Variants in MARCHF1 observed in about 807,000 individuals in gnomAD.
MARCHF1 encodes E3 ubiquitin-protein ligase MARCHF1.
MARCHF1 carries 40 observed loss-of-function variants against 54.2 expected under a neutral mutation model. The ratio of observed to expected loss-of-function variants is 0.74; its 90% CI spans 0.57 to 0.96. The LOEUF is 0.96. Ranked by LOEUF, MARCHF1 falls within the 40% of genes least tolerant of loss-of-function variation. MARCHF1 has a pLI of 0.00. For synonymous variants in MARCHF1, 236 were observed against 236.3 expected (o/e 1.00, Z 0.01); for missense variants, 586 against 656.5 (o/e 0.89, Z 1.17).
At chr4:164,195,993 T>A (rs1443247036) in intron 1 of MARCHF1, among the ~76,000 whole-genome samples, 1 of 152,164 alleles carries the variant, frequency 6.6e-6, no homozygotes, top group East Asian at 1.9e-4. Context: ...TAAATATAGT[T>A]GAAATGCTGC....
chr4:163,689,571 T>G (rs946512569), intron 5 of MARCHF1, among the ~76,000 whole-genome samples: 1 of 152,224 alleles, frequency 6.6e-6, no homozygotes, highest in African/African-American at 2.4e-5. Flanking sequence ...AATAGTCACC[T>G]ATGGCTAATG....
intron 1 of MARCHF1, among the ~76,000 whole-genome samples, chr4:164,325,356 T>TATATATATATA (rs1561003093): frequency 3.3e-5 from 5 of 149,388 alleles, no homozygotes; most frequent in African/African-American, 4.9e-5. Flanking sequence ...TATATATATA[T>TATATATATATA]TTGCACAGAC....
chr4:163,609,305 C>T (rs2110917002), intron 7 of MARCHF1, among the ~76,000 whole-genome samples: 1 of 152,182 alleles, frequency 6.6e-6, no homozygotes, highest in East Asian at 1.9e-4. Flanking sequence ...TTGCCTCTGT[C>T]TTCTGCCTCT....
intron 2 of MARCHF1, among the ~76,000 whole-genome samples, chr4:164,098,711 C>T (rs1755469216): frequency 6.6e-6 from 1 of 152,154 alleles, no homozygotes; most frequent in Admixed American, 6.5e-5. Context: ...GAGAGATGTG[C>T]TCAGATCAAG....
chr4:163,737,661 C>T (rs1344523836), intron 4 of MARCHF1, among the ~76,000 whole-genome samples: 1 of 126,128 alleles, frequency 7.9e-6, no homozygotes, highest in Non-Finnish European at 1.9e-5. Context: ...TGAAGAAATG[C>T]TCATCATCAC....
intron 1 of MARCHF1, among the ~76,000 whole-genome samples, chr4:164,244,563 C>A (rs948365667): frequency 7.3e-5 from 10 of 136,306 alleles, no homozygotes; most frequent in Non-Finnish European, 1.6e-4. Flanking sequence ...AAAGCAAGAG[C>A]AAACACATTC....
chr4:163,657,858 A>G (rs988376081), intron 5 of MARCHF1, among the ~76,000 whole-genome samples: 1 of 152,114 alleles, frequency 6.6e-6, no homozygotes. Context: ...GGCTAGCTAT[A>G]TGCAGAAAAT....
At chr4:164,197,480 C>A (rs1333040008) in intron 1 of MARCHF1, 1 of 1,613,658 alleles carries the variant, frequency 6.2e-7, no homozygotes, top group East Asian at 2.2e-5. Context: ...TCTGCCAATA[C>A]TTCCAGGCCC....
At chr4:163,682,736 C>T (rs1744145739) in intron 5 of MARCHF1, among the ~76,000 whole-genome samples, 1 of 152,122 alleles carries the variant, frequency 6.6e-6, no homozygotes, top group Non-Finnish European at 1.5e-5. Flanking sequence ...TTATAAGGGG[C>T]TTTTCCCCCT....
intron 8 of MARCHF1, among the ~76,000 whole-genome samples, chr4:163,573,246 C>T (rs77052207): frequency 0.048 from 7,223 of 151,682 alleles, 549 homozygotes; most frequent in African/African-American, 0.16. Flanking sequence ...ATTTTGTCAG[C>T]AAAGAGAGAT....
At chr4:164,144,952 A>C (rs1328796721) in intron 1 of MARCHF1, among the ~76,000 whole-genome samples, 1 of 131,956 alleles carries the variant, frequency 7.6e-6, no homozygotes, top group Non-Finnish European at 1.5e-5. Context: ...AAAAGAGAGA[A>C]GAATCAAATA....
At chr4:163,913,905 A>G (rs1455755558) in intron 3 of MARCHF1, among the ~76,000 whole-genome samples, 1 of 152,192 alleles carries the variant, frequency 6.6e-6, no homozygotes, top group African/African-American at 2.4e-5. Flanking sequence ...GATATGTGTC[A>G]TTAACATTTG....
intron 3 of MARCHF1, among the ~76,000 whole-genome samples, chr4:163,982,392 G>A (rs1752780837): frequency 6.6e-6 from 1 of 152,162 alleles, no homozygotes; most frequent in South Asian, 2.1e-4. Flanking sequence ...TGTGCTCTCA[G>A]CGCAGGCTAT....
intron 3 of MARCHF1, among the ~76,000 whole-genome samples, chr4:163,920,549 G>C (rs1478091494): frequency 6.6e-6 from 1 of 152,086 alleles, no homozygotes; most frequent in Non-Finnish European, 1.5e-5. Context: ...AGCTTCCCTG[G>C]AGACAGACTG....
At chr4:163,828,991 T>C (rs1163834859) in intron 4 of MARCHF1, 2 of 152,188 alleles carry the variant, frequency 1.3e-5, no homozygotes, top group East Asian at 3.8e-4. Flanking sequence ...ACATTCAGGT[T>C]CAGGAGAGAT....
At chr4:164,374,382 C>T (rs193068880) in intron 1 of MARCHF1, among the ~76,000 whole-genome samples, 148 of 152,136 alleles carry the variant, frequency 9.7e-4, no homozygotes, top group African/African-American at 3.4e-3. Flanking sequence ...AAAAAGCTAA[C>T]GATAGTCCTA....
chr4:164,105,743 A>C (rs1233975829), intron 2 of MARCHF1, among the ~76,000 whole-genome samples: 1 of 89,446 alleles, frequency 1.1e-5, no homozygotes, highest in South Asian at 3.2e-4. Context: ...AGCAATGGCA[A>C]CAGAAGCCAA....
chr4:164,072,117 A>G (rs1337889236), intron 2 of MARCHF1, among the ~76,000 whole-genome samples: 1 of 152,230 alleles, frequency 6.6e-6, no homozygotes. Flanking sequence ...CTGACAGGCA[A>G]AAGTCATGGC....
At position 163,720,936 on chromosome 4, in the gene MARCHF1, G is replaced by A. The variant is rs145666376; in HGVS notation, c.112-20073C>T. On this transcript the variant is annotated intron_variant, in intron 4 of 9. Transcript: ENST00000514618. The stretch of plus-strand genomic sequence containing the variant: ...GCTTAAGGAGATTTTGGGCTGAGAC[G>A]ATGGGGTTTTCCAAATATACAATCA... Among the ~76,000 whole-genome samples, 1,389 of 152,240 alleles carry A rather than the reference G, an allele frequency of 9.1e-3. 16 individuals carry two copies. The highest frequency in any genetic ancestry group is 0.031 in the African/African-American group (1,280 of 41,540).
Sources: gnomAD v4.1 joint callset for allele counts (sites outside exome capture counted in the v4.1 genomes callset) on GRCh38, gnomAD v4.1.1 for gene constraint, MANE v1.5 for transcripts, NCBI Gene and HGNC (gene_info 2026-07-23, HGNC 2026-07-21) for gene names.